The following FUT8 variants were observed in gnomAD, a reference collection of about 807,000 sequenced individuals.
FUT8 encodes the protein alpha-(1,6)-fucosyltransferase.
Under a neutral mutation model 71.3 loss-of-function variants are expected in FUT8, and 29 were observed. The ratio of observed to expected loss-of-function variants is 0.41; its 90% CI spans 0.30 to 0.55. The LOEUF is 0.55. FUT8 is among the 20% of genes least tolerant of loss of function. FUT8 has a pLI of 0.34. For synonymous variants in FUT8, 254 were observed against 239.3 expected (o/e 1.06, Z -0.57); for missense variants, 544 against 702.1 (o/e 0.77, Z 2.55).
intron 2 of FUT8, among the ~76,000 whole-genome samples, chr14:65,466,906 TC>T: frequency 6.7e-6 from 1 of 148,636 alleles, no homozygotes; most frequent in South Asian, 2.2e-4. Flanking sequence ...AGTTCCTTTT[TC>T]CCATTCCTTA....
intron 3 of FUT8, among the ~76,000 whole-genome samples, chr14:65,612,079 T>G (rs1488426210): frequency 6.6e-6 from 1 of 152,224 alleles, no homozygotes. Flanking sequence ...AGTTTTGAGT[T>G]GGTTTTGATA....
chr14:65,433,786 T>TTC (rs71126744), intron 1 of FUT8, among the ~76,000 whole-genome samples: 10,939 of 144,878 alleles, frequency 0.076, 527 homozygotes, highest in East Asian at 0.13. Context: ...CTTCTGTCTC[T>TTC]TCTCTCTCTC....
intron 5 of FUT8, among the ~76,000 whole-genome samples, 185 bp downstream of exon 5, chr14:65,616,558 A>G (rs1889296628): frequency 6.6e-6 from 1 of 152,222 alleles, no homozygotes; most frequent in African/African-American, 2.4e-5. Flanking sequence ...CAACCAAAAT[A>G]TACCACCAGA....
At chr14:65,701,999 C>G (rs961441474) in intron 7 of FUT8, among the ~76,000 whole-genome samples, 1 of 152,178 alleles carries the variant, frequency 6.6e-6, no homozygotes, top group African/African-American at 2.4e-5. Context: ...CAACTCCTGT[C>G]TCTGACTCCT....
At chr14:65,491,582 T>C (rs1027501884) in intron 2 of FUT8, among the ~76,000 whole-genome samples, 2 of 152,082 alleles carry the variant, frequency 1.3e-5, no homozygotes, top group Admixed American at 6.6e-5. Flanking sequence ...ACACATTCAT[T>C]AAGGCAAAAT....
intron 2 of FUT8, among the ~76,000 whole-genome samples, chr14:65,484,384 C>T (rs1594685547): frequency 6.6e-6 from 1 of 152,092 alleles, no homozygotes; most frequent in South Asian, 2.1e-4. Context: ...TTTCAGGATG[C>T]ACTTTACTGG....
intron 1 of FUT8, among the ~76,000 whole-genome samples, chr14:65,418,877 T>C (rs1175168669): frequency 6.6e-6 from 1 of 152,104 alleles, no homozygotes; most frequent in East Asian, 1.9e-4. Context: ...CCTTTTGAGG[T>C]GGTAGGCAAG....
At chr14:65,580,577 G>C (rs1048624473) in intron 3 of FUT8, among the ~76,000 whole-genome samples, 1 of 151,868 alleles carries the variant, frequency 6.6e-6, no homozygotes, top group East Asian at 1.9e-4. Flanking sequence ...CCAGCAAGTT[G>C]GTTGATCACT....
At chr14:65,714,680 G>A (rs990235379) in intron 7 of FUT8, among the ~76,000 whole-genome samples, 3 of 151,920 alleles carry the variant, frequency 2.0e-5, no homozygotes, top group Admixed American at 2.0e-4. Context: ...GATAGTATGG[G>A]CATTTTAACA....
intron 2 of FUT8, among the ~76,000 whole-genome samples, chr14:65,486,146 C>G (rs1057078753): frequency 6.6e-6 from 1 of 152,146 alleles, no homozygotes; most frequent in Non-Finnish European, 1.5e-5. Context: ...TGTTTTAGCA[C>G]TAGCTAATGC....
At chr14:65,421,441 T>C (rs1398184200) in intron 1 of FUT8, among the ~76,000 whole-genome samples, 1 of 152,158 alleles carries the variant, frequency 6.6e-6, no homozygotes, top group Non-Finnish European at 1.5e-5. Flanking sequence ...TCTGCCTTTT[T>C]TGCTTTTTCA....
the FUT8 span, among the ~76,000 whole-genome samples, chr14:65,402,620 C>T: frequency 5.9e-5 from 9 of 152,058 alleles, no homozygotes; most frequent in East Asian, 3.9e-4. Context: ...GAGCCGAGAT[C>T]GCGCCACTGC....
intron 1 of FUT8, among the ~76,000 whole-genome samples, chr14:65,434,440 A>G (rs2065524644): frequency 6.6e-6 from 1 of 152,258 alleles, no homozygotes; most frequent in African/African-American, 2.4e-5. Context: ...TGACATTAAC[A>G]TCAGAACCAC....
intron 1 of FUT8, among the ~76,000 whole-genome samples, chr14:65,436,584 G>A (rs1401851168): frequency 6.7e-6 from 1 of 150,360 alleles, no homozygotes; most frequent in African/African-American, 2.5e-5. Context: ...AGCCAAGATC[G>A]TGCCACTGCA....
chr14:65,722,128 C>A, intron 8 of FUT8, 107 bp downstream of exon 8: 1 of 1,358,246 alleles, frequency 7.4e-7, no homozygotes, highest in Non-Finnish European at 1.0e-6. Flanking sequence ...TTTTATAGTC[C>A]CACCAAAGGA....
chr14:65,716,849 GGGGCGGCC>G (rs1895094059), intron 7 of FUT8, among the ~76,000 whole-genome samples: 1 of 142,420 alleles, frequency 7.0e-6, no homozygotes, highest in African/African-American at 2.5e-5. Context: ...CTTCCCAGAC[GGGGCGGCC>G]GGGCAGAGGC....
chr14:65,615,937 T>A, intron 3 of FUT8, 41 bp from the exon 4 acceptor site: 1 of 1,406,220 alleles, frequency 7.1e-7, no homozygotes, highest in Non-Finnish European at 9.9e-7. Context: ...TGTTGCACAG[T>A]TTGAAAGCTA....
At chr14:65,484,497 C>G (rs1003541849) in intron 2 of FUT8, among the ~76,000 whole-genome samples, 4 of 151,442 alleles carry the variant, frequency 2.6e-5, no homozygotes, top group South Asian at 2.1e-4. Context: ...TGAAATGATC[C>G]CATGTTTGTT....
chr14:65,583,973 C>T (rs1158325234), intron 3 of FUT8, among the ~76,000 whole-genome samples: 8 of 152,136 alleles, frequency 5.3e-5, no homozygotes, highest in Non-Finnish European at 1.2e-4. Flanking sequence ...TCTGCCTCTC[C>T]GGTTCACACC....
Sources: allele counts gnomAD v4.1 joint callset (sites outside exome capture counted in the v4.1 genomes callset), GRCh38; gene constraint gnomAD v4.1.1; transcripts MANE v1.5; gene names NCBI Gene and HGNC (gene_info 2026-07-23, HGNC 2026-07-21).